The following ROS1 variants were observed in gnomAD, a reference collection of about 807,000 sequenced individuals.
ROS1 encodes proto-oncogene tyrosine-protein kinase ROS.
In ROS1, 263 loss-of-function variants were observed where a neutral mutation model predicts 273.5. The ratio of observed to expected loss-of-function variants is 0.96; its 90% CI spans 0.87 to 1.06. The LOEUF (loss-of-function observed/expected upper bound fraction) is 1.06. Among genes scored for constraint, ROS1 ranks in the 50% least tolerant of loss-of-function variants. The probability of loss-of-function intolerance (pLI) is 0.00; values close to 1 mark genes in which losing one functional copy is unlikely to be tolerated. For synonymous variants in ROS1, 1,008 were observed against 954.1 expected (o/e 1.06, Z -1.04); for missense variants, 2,833 against 2,751.1 (o/e 1.03, Z -0.67).
Position 117,317,010 on chromosome 6 carries a change from G to T in ROS1, c.6117+133C>A, listed in dbSNP as rs142492379. ...CTGATTGTCAAAAGCTAATGTGAAG[G>T]AAACAGAATAATTCTTTCCATGTAA... On this transcript the variant is annotated intron_variant, in intron 39 of 43. Transcript: ENST00000368507. 3.3e-4 allele frequency: 321 copies of T among 963,318 alleles called. 2 individuals are homozygous for T. In the African/African-American group the frequency reaches 5.1e-3, roughly 15 times the overall value. The allele number at this position is 963,318 out of a possible 1,614,324, so 59.7% of individuals were successfully genotyped here.
intron 17 of ROS1, among the ~76,000 whole-genome samples, chr6:117,382,601 G>A (rs1182625575): frequency 6.6e-6 from 1 of 152,118 alleles, no homozygotes; most frequent in Non-Finnish European, 1.5e-5. Context: ...TAGAAACTTA[G>A]ATGGATACCT....
intron 3 of ROS1, 89 bp from the exon 4 acceptor site, chr6:117,414,634 T>C (rs1168720966): frequency 1.1e-5 from 7 of 616,948 alleles, no homozygotes; most frequent in Non-Finnish European, 2.0e-5. Flanking sequence ...TTCAAATTAA[T>C]TTATTGCCCC....
At chr6:117,398,244 G>A (rs1009068516) in intron 7 of ROS1, among the ~76,000 whole-genome samples, 1 of 151,438 alleles carries the variant, frequency 6.6e-6, no homozygotes, top group African/African-American at 2.4e-5. Flanking sequence ...TACATGGCAA[G>A]ATGCGATCAT....
At chr6:117,326,123 A>ATATT in intron 34 of ROS1, 101 bp downstream of exon 34, 1 of 317,298 alleles carries the variant, frequency 3.2e-6, no homozygotes, top group Non-Finnish European at 5.4e-6. Flanking sequence ...ATATATATAT[A>ATATT]TATAGTCACC....
In ROS1 at chr6:117,365,165, C is replaced by T; in HGVS notation, c.2998G>A (p.Val1000Met). 6.2e-7 allele frequency: 1 copy of T among 1,612,502 alleles called. No homozygotes were observed. Among genetic ancestry groups the T allele is most frequent in the Non-Finnish European group, 8.5e-7 (1 of 1,178,718 alleles). The change falls in exon 21 of 44, where the codon GTG becomes ATG. Residue 1000 changes from valine to methionine, a missense_variant. By Grantham distance (21) the Val-to-Met change is conservative. Transcript: ENST00000368507. ...SEQHSLPVFT[V>M]EGLEPYALFN... ...AAGGCATAAGGTTCCAGTCCTTCCA[C>T]AGTAAATACAGGTAAAGAGTGTTGT...
intron 11 of ROS1, 37 bp downstream of exon 11, chr6:117,394,125 T>A (rs888521107): frequency 1.5e-6 from 2 of 1,372,568 alleles, no homozygotes; most frequent in African/African-American, 2.9e-5. Flanking sequence ...TCAGTATCAC[T>A]GTCTATCACT....
intron 1 of ROS1, among the ~76,000 whole-genome samples, chr6:117,422,891 T>C (rs990608161): frequency 3.9e-5 from 6 of 152,238 alleles, no homozygotes; most frequent in East Asian, 3.9e-4. Context: ...GAGCTGAATA[T>C]ACATAGATAC....
chr6:117,383,221 G>A, intron 17 of ROS1, 96 bp downstream of exon 17: 1 of 916,400 alleles, frequency 1.1e-6, no homozygotes, highest in Non-Finnish European at 1.6e-6. Context: ...TCCTTTAGGA[G>A]TCTGCTTTAA....
rs748058744 is a variant in ROS1 at position 117,308,879 on chromosome 6, A to C, written c.6466T>G (p.Tyr2156Asp). The C allele has an allele frequency of 1.2e-6, 2 of 1,613,382 alleles. No homozygotes were observed. Among genetic ancestry groups the C allele is most frequent in the Non-Finnish European group, 8.5e-7 (1 of 1,179,540 alleles). ...WEILTLGHQPYPAHSNLDVLN... is the reference protein window; with the variant it reads ...WEILTLGHQPDPAHSNLDVLN... ...ACATCAAGGTTGGAATGAGCTGGAT[A>C]AGGCTGATGACCAAGAGTTAAAATC... is the stretch of plus-strand genomic sequence containing the variant. Residue 2156 changes from tyrosine to aspartate, a missense_variant, in exon 42 of 44, where the codon TAT becomes GAT. By Grantham distance (160) the Tyr-to-Asp change is radical. Transcript: ENST00000368507.
chr6:117,387,946 G>T lies in ROS1; in HGVS notation c.1833C>A (p.Thr611=), dbSNP rs140323539. The change falls in exon 14 of 44, where the codon ACC becomes ACA. Residue 611 remains threonine, a synonymous_variant. Transcript: ENST00000368507. ...TATGAGTGACTTCAGGAGGGTCTTG[G>T]GTGGATACTTTCACCTCATAGGTCC... is the stretch of plus-strand genomic sequence containing the variant. The part of the protein sequence containing the change: ...QNWTYEVKVS[T]QDPPEVTHIF... 9 of 1,614,124 alleles carry T rather than the reference G, an allele frequency of 5.6e-6. No homozygotes were observed. Among genetic ancestry groups the T allele is most frequent in the Non-Finnish European group, 7.6e-6 (9 of 1,180,014 alleles).
intron 42 of ROS1, among the ~76,000 whole-genome samples, chr6:117,307,593 A>AT (rs1192143702): frequency 6.6e-6 from 1 of 152,012 alleles, no homozygotes; most frequent in African/African-American, 2.4e-5. Flanking sequence ...ATTATGAATC[A>AT]TTTTTTATGC....
intron 37 of ROS1, 25 bp from the exon 38 acceptor site, chr6:117,318,277 G>A (rs377503825): frequency 1.3e-6 from 2 of 1,573,604 alleles, no homozygotes; most frequent in Admixed American, 1.7e-5. Flanking sequence ...AACAAGTCAG[G>A]AATCAGTATA....
intron 43 of ROS1, among the ~76,000 whole-genome samples, chr6:117,293,171 G>A (rs1773965779): frequency 6.6e-6 from 1 of 152,080 alleles, no homozygotes; most frequent in African/African-American, 2.4e-5. Flanking sequence ...CTGCCATAGT[G>A]TAGACTTGGC....
At chr6:117,291,641 G>A (rs1204752768) in intron 43 of ROS1, among the ~76,000 whole-genome samples, 3 of 152,158 alleles carry the variant, frequency 2.0e-5, no homozygotes, top group African/African-American at 4.8e-5. Context: ...CTGTAAAATG[G>A]TGATATAGTA....
At position 117,324,378 on chromosome 6, in the gene ROS1, A is replaced by C; in HGVS notation, c.5577T>G (p.Thr1859=). The C allele has an allele frequency of 6.6e-7, 1 of 1,521,308 alleles. No homozygotes were observed. Among genetic ancestry groups the C allele is most frequent in the Non-Finnish European group, 9.1e-7 (1 of 1,103,836 alleles). 94.2% of individuals were successfully genotyped at this position (1,521,308 alleles called of 1,614,324 possible). ...CAACCAGAAATATTCCAACTATAAT[A>C]GTAAGTATGAAACTTGTTTCTGGTA... ...FWIPETSFIL[T]IIVGIFLVVT... The change falls in exon 35 of 44, where the codon ACT becomes ACG. Residue 1859 remains threonine (T), a synonymous_variant. Transcript: ENST00000368507.
intron 16 of ROS1, among the ~76,000 whole-genome samples, chr6:117,383,848 A>G (rs1037247824): frequency 9.8e-5 from 15 of 152,348 alleles, no homozygotes; most frequent in African/African-American, 3.6e-4. Context: ...TCCCGAAAAA[A>G]GATGTTTATG....
Position 117,356,918 on chromosome 6 carries a change from A to G in ROS1, c.3840-3T>C, listed in dbSNP as rs1396013652. The G allele has an allele frequency of 6.2e-7, 1 of 1,601,108 alleles. No homozygotes were observed. Among genetic ancestry groups the G allele is most frequent in the Non-Finnish European group, 8.5e-7 (1 of 1,175,350 alleles). Reference sequence around the variant, plus strand: ...AAACTTCTGTCCAATACAAGCGACTATAGAGGAAAAAAAAGTCCCCCCAAC... The same window carrying G: ...AAACTTCTGTCCAATACAAGCGACTGTAGAGGAAAAAAAAGTCCCCCCAAC... On this transcript the variant is annotated splice_polypyrimidine_tract_variant and splice_region_variant and intron_variant, in intron 25 of 43. Coordinates refer to ENST00000368507, the MANE Select transcript of ROS1 (RefSeq NM_001378902.1).
intron 32 of ROS1, among the ~76,000 whole-genome samples, chr6:117,329,800 A>T (rs1225265326): frequency 6.6e-6 from 1 of 152,158 alleles, no homozygotes; most frequent in Non-Finnish European, 1.5e-5. Flanking sequence ...CAGGCTACCC[A>T]GCCGGGGAAA....
At chr6:117,311,195 G>A in intron 39 of ROS1, 78 bp from the exon 40 acceptor site, 2 of 761,214 alleles carry the variant, frequency 2.6e-6, no homozygotes, top group Non-Finnish European at 4.3e-6. Context: ...GAATATAAGT[G>A]GATACATGTA....
Sources: gnomAD v4.1 joint callset for allele counts (sites outside exome capture counted in the v4.1 genomes callset) on GRCh38, gnomAD v4.1.1 for gene constraint, MANE v1.5 for transcripts, NCBI Gene and HGNC (gene_info 2026-07-23, HGNC 2026-07-21) for gene names.